SRGAP1: variants seen among roughly 807,000 people sequenced by gnomAD.
SRGAP1 encodes SLIT-ROBO Rho GTPase-activating protein 1.
In SRGAP1, 43 loss-of-function variants were observed where a neutral mutation model predicts 121.9. The observed-to-expected ratio is 0.35, with a 90% confidence interval of 0.28 to 0.46. The LOEUF is 0.46. SRGAP1 is among the 20% of genes least tolerant of loss of function. The probability of loss-of-function intolerance (pLI) is 1.00; values close to 1 mark genes in which losing one functional copy is unlikely to be tolerated. For synonymous variants in SRGAP1, 447 were observed against 485.4 expected, an observed-to-expected ratio of 0.92 and a Z score of 1.04; for missense variants, 1,102 against 1,350.9, an observed-to-expected ratio of 0.82 and a Z score of 2.89.
intron 1 of SRGAP1, chr12:63,872,106 C>T: frequency 1.7e-6 from 1 of 605,518 alleles, no homozygotes. Flanking sequence ...GAGACCCTTG[C>T]CTTGTACAGC....
At chr12:64,135,795 G>T (rs1272535659) in intron 21 of SRGAP1, among the ~76,000 whole-genome samples, 1 of 152,144 alleles carries the variant, frequency 6.6e-6, no homozygotes, top group Non-Finnish European at 1.5e-5. Flanking sequence ...ACCAAAACCT[G>T]TATTAGTCAG....
chr12:63,924,029 T>G (rs1465172047), intron 1 of SRGAP1, among the ~76,000 whole-genome samples: 1 of 152,052 alleles, frequency 6.6e-6, no homozygotes, highest in Non-Finnish European at 1.5e-5. Flanking sequence ...TAATCCCAGC[T>G]ACTTGAGAGG....
At chr12:63,934,806 T>C (rs1467798774) in intron 1 of SRGAP1, among the ~76,000 whole-genome samples, 1 of 152,190 alleles carries the variant, frequency 6.6e-6, no homozygotes, top group East Asian at 1.9e-4. Context: ...TTTCAGGTTG[T>C]TCTACATATT....
intron 1 of SRGAP1, among the ~76,000 whole-genome samples, chr12:63,884,428 T>C (rs1900302582): frequency 6.6e-6 from 1 of 152,212 alleles, no homozygotes; most frequent in Non-Finnish European, 1.5e-5. Context: ...GTTATACATA[T>C]TTATTGGGTA....
At chr12:63,934,503 T>G (rs1008719864) in intron 1 of SRGAP1, among the ~76,000 whole-genome samples, 36 of 152,308 alleles carry the variant, frequency 2.4e-4, no homozygotes, top group Middle Eastern at 6.8e-3. Flanking sequence ...GTAGAACTCT[T>G]TACAGCTCCA....
Position 63,927,530 on chromosome 12 carries a change from C to T in SRGAP1, c.68-56417C>T, listed in dbSNP as rs573905208. 1.4e-4 allele frequency among the ~76,000 whole-genome samples: 22 copies of T among 152,264 alleles called. 1 individual carries two copies. The highest frequency in any genetic ancestry group is 5.3e-4 in the African/African-American group (22 of 41,548). ...TTAACCCAGTCACAGTGGCCCAGTC[C>T]GTTAGGTCAACATTTTCATTATGCC... On this transcript the variant is annotated intron_variant, in intron 1 of 21. Transcript: ENST00000355086.
At chr12:64,110,406 C>T (rs1199284426) in intron 16 of SRGAP1, among the ~76,000 whole-genome samples, 2 of 152,216 alleles carry the variant, frequency 1.3e-5, no homozygotes, top group East Asian at 3.8e-4. Context: ...GCTGTTATTG[C>T]TTCCAGTGGT....
intron 3 of SRGAP1, among the ~76,000 whole-genome samples, chr12:64,010,064 A>G (rs2034206322): frequency 6.6e-6 from 1 of 152,176 alleles, no homozygotes; most frequent in Non-Finnish European, 1.5e-5. Context: ...AAGCACACAT[A>G]CTGTGGAAGT....
intron 1 of SRGAP1, among the ~76,000 whole-genome samples, chr12:63,952,078 A>G (rs1027186544): frequency 3.3e-5 from 5 of 152,080 alleles, no homozygotes; most frequent in Non-Finnish European, 7.3e-5. Context: ...CATTTTTATC[A>G]TCTAGTACAC....
intron 8 of SRGAP1, among the ~76,000 whole-genome samples, chr12:64,075,934 G>A (rs1347908358): frequency 2.0e-5 from 3 of 148,954 alleles, no homozygotes; most frequent in African/African-American, 7.5e-5. Context: ...AAAAAAAAAA[G>A]TAATTGAAAA....
At chr12:64,032,563 A>G (rs1034529030) in intron 4 of SRGAP1, 3 of 992,320 alleles carry the variant, frequency 3.0e-6, no homozygotes, top group East Asian at 5.3e-5. Flanking sequence ...GACCAGAGCC[A>G]CGGACCTAGC....
chr12:64,115,917 A>G lies in SRGAP1; in HGVS notation c.2224+24A>G, dbSNP rs2036513629. The G allele has an allele frequency of 1.9e-6, 3 of 1,590,422 alleles. No homozygotes were observed. In the South Asian group the frequency reaches 3.4e-5, roughly 18 times the overall value. On this transcript the variant is annotated intron_variant, in intron 18 of 21. Coordinates refer to ENST00000355086, the MANE Select transcript of SRGAP1 (RefSeq NM_020762.4). ...TGGTATGCTCTCCCCTTATGCTATTATAAAGCCAGTCTTTATATCCCTATT... is the reference window on the plus strand; with the variant it reads ...TGGTATGCTCTCCCCTTATGCTATTGTAAAGCCAGTCTTTATATCCCTATT...
intron 17 of SRGAP1, among the ~76,000 whole-genome samples, chr12:64,115,390 A>G (rs1187403268): frequency 1.3e-5 from 2 of 152,212 alleles, no homozygotes; most frequent in South Asian, 2.1e-4. Context: ...CCAGGATTCC[A>G]TTGACAACTA....
chr12:64,027,016 C>T (rs1279982293), intron 4 of SRGAP1, among the ~76,000 whole-genome samples: 2 of 152,054 alleles, frequency 1.3e-5, no homozygotes, highest in Non-Finnish European at 2.9e-5. Flanking sequence ...TTCAGATTAG[C>T]AAGTAGGTTC....
chr12:64,140,057 T>C (rs1229901047), intron 21 of SRGAP1, among the ~76,000 whole-genome samples: 1 of 149,970 alleles, frequency 6.7e-6, no homozygotes, highest in Non-Finnish European at 1.5e-5. Flanking sequence ...GTTGTAGATA[T>C]GTGGCGTTAT....
intron 1 of SRGAP1, among the ~76,000 whole-genome samples, chr12:63,907,098 C>G (rs954585161): frequency 1.3e-5 from 2 of 152,192 alleles, no homozygotes; most frequent in African/African-American, 4.8e-5. Flanking sequence ...TTAATTTTAT[C>G]TATCCTAGTG....
intron 1 of SRGAP1, among the ~76,000 whole-genome samples, chr12:63,928,987 C>T (rs1481157004): frequency 3.3e-5 from 5 of 151,988 alleles, no homozygotes; most frequent in African/African-American, 1.2e-4. Flanking sequence ...ATGAAGCTTC[C>T]CTGGCTCATC....
chr12:63,904,731 G>C (rs975135862), intron 1 of SRGAP1, among the ~76,000 whole-genome samples: 3 of 152,246 alleles, frequency 2.0e-5, no homozygotes, highest in Admixed American at 2.0e-4. Context: ...AGGAGTTGAA[G>C]ACCAACGTGG....
At chr12:64,035,149 T>C (rs1425757021) in intron 4 of SRGAP1, among the ~76,000 whole-genome samples, 1 of 152,016 alleles carries the variant, frequency 6.6e-6, no homozygotes, top group African/African-American at 2.4e-5. Context: ...GAGACATCCA[T>C]TGTAGGTGTA....
Sources: allele counts gnomAD v4.1 joint callset (sites outside exome capture counted in the v4.1 genomes callset), GRCh38; gene constraint gnomAD v4.1.1; transcripts MANE v1.5; gene names NCBI Gene and HGNC (gene_info 2026-07-23, HGNC 2026-07-21).